Variants in ANKS1B observed in about 807,000 individuals in gnomAD.
ANKS1B encodes ankyrin repeat and sterile alpha motif domain-containing protein 1B.
Under a neutral mutation model 148.3 loss-of-function variants are expected in ANKS1B, and 36 were observed. That is an observed-to-expected ratio of 0.24 (90% CI 0.19 to 0.32). The LOEUF is 0.32. Ranked by LOEUF, ANKS1B falls within the 10% of genes least tolerant of loss-of-function variation. The pLI is 1.00. For missense variants in ANKS1B, 1,157 were observed against 1,542.6 expected (o/e 0.75, Z 4.19); for synonymous variants, 542 against 560.8 (o/e 0.97, Z 0.47).
intron 17 of ANKS1B, among the ~76,000 whole-genome samples, chr12:98,882,555 G>T (rs2099710850): frequency 6.6e-6 from 1 of 152,090 alleles, no homozygotes; most frequent in African/African-American, 2.4e-5. Context: ...ACAAAAACTA[G>T]CTTTGTGATT....
At chr12:99,659,840 T>A (rs749910428) in intron 8 of ANKS1B, among the ~76,000 whole-genome samples, 2 of 152,182 alleles carry the variant, frequency 1.3e-5, no homozygotes. Flanking sequence ...TACAAATCAG[T>A]CCAGATTATA....
intron 9 of ANKS1B, among the ~76,000 whole-genome samples, chr12:99,596,083 T>A (rs933240692): frequency 1.3e-5 from 2 of 151,930 alleles, no homozygotes; most frequent in Non-Finnish European, 2.9e-5. Context: ...TGAATAACAA[T>A]GTATATTTTT....
At chr12:98,935,062 A>G in intron 17 of ANKS1B, among the ~76,000 whole-genome samples, 1 of 152,158 alleles carries the variant, frequency 6.6e-6, no homozygotes, top group East Asian at 1.9e-4. Context: ...CTAATCTTAG[A>G]GAAAAAGCTT....
chr12:99,268,987 T>C, intron 12 of ANKS1B, among the ~76,000 whole-genome samples: 1 of 152,234 alleles, frequency 6.6e-6, no homozygotes, highest in East Asian at 1.9e-4. Context: ...AAATCAGGTG[T>C]CATTGGTTGT....
chr12:98,742,273 TTTC>T (rs2097804494), downstream of ANKS1B, among the ~76,000 whole-genome samples: 1 of 152,020 alleles, frequency 6.6e-6, no homozygotes, highest in African/African-American at 2.4e-5. Context: ...GGATGTCTTA[TTTC>T]AGCCTGATGT....
chr12:98,945,860 T>C (rs894832507), intron 17 of ANKS1B, among the ~76,000 whole-genome samples: 1 of 152,242 alleles, frequency 6.6e-6, no homozygotes, highest in Non-Finnish European at 1.5e-5. Flanking sequence ...GCAAAATCAA[T>C]GGAGATGCTT....
chr12:99,918,886 C>CA (rs1234160791), intron 1 of ANKS1B, among the ~76,000 whole-genome samples: 5 of 151,970 alleles, frequency 3.3e-5, no homozygotes, highest in Non-Finnish European at 2.9e-5. Context: ...AACACACACA[C>CA]AAAAAAAGAT....
chr12:99,526,271 T>C (rs116328825), intron 9 of ANKS1B, among the ~76,000 whole-genome samples: 342 of 152,252 alleles, frequency 2.2e-3, no homozygotes, highest in African/African-American at 7.6e-3. Context: ...TTACAGGAGA[T>C]CGTTAGAAAG....
chr12:99,866,665 T>A (rs1462504474), intron 1 of ANKS1B, among the ~76,000 whole-genome samples: 2 of 152,342 alleles, frequency 1.3e-5, no homozygotes, highest in East Asian at 3.9e-4. Flanking sequence ...TGCATTACTG[T>A]ATTAAGTACA....
In ANKS1B at chr12:98,942,005, G is replaced by C. The variant is rs182933047; in HGVS notation, c.2779-109869C>G. ...CGCCTGTAATCCCAGAACTTTGGGA[G>C]GCTGAGGCGGGTAGATTGCAAGGTC... On this transcript the variant is annotated intron_variant, in intron 17 of 26. Coordinates refer to ENST00000683438, the MANE Select transcript of ANKS1B (RefSeq NM_001352186.2). Among the ~76,000 whole-genome samples the C allele has an allele frequency of 1.8e-3, 279 of 152,284 alleles. 1 individual carries two copies. Among genetic ancestry groups the C allele is most frequent in the Non-Finnish European group, 2.8e-3 (189 of 68,022 alleles).
intron 1 of ANKS1B, among the ~76,000 whole-genome samples, chr12:99,897,795 A>C (rs748111952): frequency 6.7e-6 from 1 of 150,206 alleles, no homozygotes; most frequent in Admixed American, 6.7e-5. Context: ...GTAGGGATAT[A>C]GAAAGGAGAG....
At chr12:99,481,877 GGTTTTTT>G (rs139831303) in intron 10 of ANKS1B, among the ~76,000 whole-genome samples, 2,728 of 151,738 alleles carry the variant, frequency 0.018, 38 homozygotes, top group Non-Finnish European at 0.029. Flanking sequence ...ATTATTTGCG[GGTTTTTT>G]GTTTTTTGTT....
At chr12:98,781,581 C>T (rs2098736947) in intron 23 of ANKS1B, 3 of 382,216 alleles carry the variant, frequency 7.8e-6, no homozygotes, top group Non-Finnish European at 1.5e-5. Flanking sequence ...TAAACCACAT[C>T]GGACTTAACT....
chr12:99,971,988 T>C (rs2095564950), intron 1 of ANKS1B, among the ~76,000 whole-genome samples: 1 of 152,224 alleles, frequency 6.6e-6, no homozygotes, highest in Non-Finnish European at 1.5e-5. Context: ...TCAGTTCATG[T>C]CTCTGTGTCA....
chr12:99,333,172 T>C (rs968943307), intron 12 of ANKS1B, among the ~76,000 whole-genome samples: 2 of 151,994 alleles, frequency 1.3e-5, no homozygotes, highest in Non-Finnish European at 2.9e-5. Flanking sequence ...ATCCAGATCA[T>C]AGAGGATACT....
intron 8 of ANKS1B, among the ~76,000 whole-genome samples, chr12:99,696,248 A>G (rs1243373781): frequency 6.6e-6 from 1 of 152,210 alleles, no homozygotes; most frequent in Non-Finnish European, 1.5e-5. Flanking sequence ...GATACCTATA[A>G]GATGATGTAG....
intron 15 of ANKS1B, among the ~76,000 whole-genome samples, chr12:99,102,413 T>A (rs1476172375): frequency 6.6e-6 from 1 of 151,100 alleles, no homozygotes; most frequent in African/African-American, 2.4e-5. Flanking sequence ...GTTGCTTTAT[T>A]TTCTTCTTCT....
At chr12:99,422,227 A>G (rs766305627) in intron 11 of ANKS1B, among the ~76,000 whole-genome samples, 2 of 152,198 alleles carry the variant, frequency 1.3e-5, no homozygotes, top group South Asian at 2.1e-4. Context: ...ACAGCACAAA[A>G]TAATTCTTCT....
chr12:99,793,046 C>T lies in ANKS1B; in HGVS notation c.670-10949G>A, dbSNP rs145967665. On this transcript the variant is annotated intron_variant, in intron 4 of 26. Coordinates refer to ENST00000683438, the MANE Select transcript of ANKS1B (RefSeq NM_001352186.2). ...CAAAAATCAGCAGCATTTCTATATG[C>T]CAACAGTAAACAATGTGAAAAAGAA... Among the ~76,000 whole-genome samples the T allele has an allele frequency of 1.3e-3, 191 of 151,880 alleles. 4 individuals carry two copies. Among genetic ancestry groups the T allele is most frequent in the Middle Eastern group, 3.4e-3 (1 of 294 alleles).
Sources: allele counts gnomAD v4.1 joint callset (sites outside exome capture counted in the v4.1 genomes callset), GRCh38; gene constraint gnomAD v4.1.1; transcripts MANE v1.5; gene names NCBI Gene and HGNC (gene_info 2026-07-23, HGNC 2026-07-21).